ZSCAN5A: variants seen among roughly 807,000 people sequenced by gnomAD.
The protein encoded by ZSCAN5A is zinc finger and SCAN domain-containing protein 5A.
Under a neutral mutation model 23.7 loss-of-function variants are expected in ZSCAN5A, and 12 were observed. The ratio of observed to expected loss-of-function variants is 0.51; its 90% CI spans 0.32 to 0.82. ZSCAN5A has a LOEUF of 0.82. Among genes scored for constraint, ZSCAN5A ranks in the 40% least tolerant of loss-of-function variants. The pLI, the probability that ZSCAN5A is intolerant of heterozygous loss-of-function variation, is 0.03. For synonymous variants in ZSCAN5A, 257 were observed against 239.9 expected (o/e 1.07, Z -0.66); for missense variants, 597 against 617.9 (o/e 0.97, Z 0.36).
chr19:56,321,110 G>A (rs571392615), intron 2 of ZSCAN5A: 53 of 686,778 alleles, frequency 7.7e-5, no homozygotes, highest in African/African-American at 6.8e-4. Flanking sequence ...ACAAGGGGAC[G>A]GATACTGCTC....
Position 56,222,777 on chromosome 19 carries a change from T to A in ZSCAN5A, c.589-36A>T, listed in dbSNP as rs764475272. The A allele has an allele frequency of 5.6e-4, 900 of 1,613,678 alleles. 1 individual carries two copies. Among genetic ancestry groups the A allele is most frequent in the Middle Eastern group, 1.2e-3 (7 of 6,076 alleles). On this transcript the variant is annotated intron_variant, in intron 4 of 5. Coordinates refer to ENST00000683990, the MANE Select transcript of ZSCAN5A (RefSeq NM_001322064.3). ...AAAACCAAGAGTAATGACTGCTGTG[T>A]CCAAACTGGTGGAAGCAGGGACACA...
chr19:56,295,100 T>C (rs894840736), intron 2 of ZSCAN5A: 3 of 152,246 alleles, frequency 2.0e-5, no homozygotes, highest in African/African-American at 4.8e-5. Context: ...TTTGTGGTGA[T>C]GGATGCACAG....
intron 2 of ZSCAN5A, chr19:56,298,198 G>T (rs1003052028): frequency 6.6e-6 from 1 of 152,134 alleles, no homozygotes; most frequent in African/African-American, 2.4e-5. Flanking sequence ...TTGGAAGGAA[G>T]AAGAGAGTAT....
intron 2 of ZSCAN5A, among the ~76,000 whole-genome samples, chr19:56,239,902 G>A (rs377519143): frequency 1.2e-4 from 19 of 152,178 alleles, no homozygotes; most frequent in African/African-American, 2.6e-4. Context: ...GGTGGCTCAC[G>A]CCTGTAATCT....
intron 2 of ZSCAN5A, among the ~76,000 whole-genome samples, chr19:56,259,231 G>C (rs1319835876): frequency 2.0e-5 from 3 of 152,036 alleles, no homozygotes; most frequent in African/African-American, 7.3e-5. Flanking sequence ...TTAAAATAGA[G>C]ATGAGGTCTT....
At chr19:56,287,595 C>T (rs1040060569) in intron 2 of ZSCAN5A, among the ~76,000 whole-genome samples, 5 of 152,162 alleles carry the variant, frequency 3.3e-5, no homozygotes, top group African/African-American at 1.2e-4. Context: ...TCTTATTCCA[C>T]ATGTGAAGTG....
intron 2 of ZSCAN5A, among the ~76,000 whole-genome samples, chr19:56,322,806 C>T (rs1293422593): frequency 6.6e-6 from 1 of 151,492 alleles, no homozygotes; most frequent in Non-Finnish European, 1.5e-5. Context: ...CTCTAGATTA[C>T]ATATAATACC....
intron 2 of ZSCAN5A, among the ~76,000 whole-genome samples, chr19:56,363,009 T>C (rs536373724): frequency 1.3e-5 from 2 of 152,224 alleles, no homozygotes; most frequent in African/African-American, 4.8e-5. Flanking sequence ...AAAAATTTAC[T>C]ACTTCATAAA....
intron 2 of ZSCAN5A, among the ~76,000 whole-genome samples, chr19:56,342,007 A>T (rs1281878958): frequency 2.0e-5 from 3 of 152,166 alleles, no homozygotes; most frequent in African/African-American, 7.2e-5. Flanking sequence ...TCAACCCCTT[A>T]AGAAAATTTC....
Position 56,222,607 on chromosome 19 carries a change from C to T in ZSCAN5A, c.723G>A (p.Gln241=). Reference sequence around the variant, plus strand: ...CATACTCACTGGGACTCTTTGGAAGCTGAGGCTCTGGGGATGTCAGTCCTG... The same window carrying T: ...CATACTCACTGGGACTCTTTGGAAGTTGAGGCTCTGGGGATGTCAGTCCTG... ...ENPGLTSPEP[Q]LPKSPTDLVR... Residue 241 remains glutamine (Q), a synonymous_variant, in exon 5 of 6, where the codon CAG becomes CAA. Coordinates refer to ENST00000683990, the MANE Select transcript of ZSCAN5A (RefSeq NM_001322064.3). The T allele has an allele frequency of 6.2e-7, 1 of 1,614,166 alleles. No homozygotes were observed. Among genetic ancestry groups the T allele is most frequent in the Non-Finnish European group, 8.5e-7 (1 of 1,180,030 alleles).
At chr19:56,226,425 T>C (rs1029866026) in intron 2 of ZSCAN5A, among the ~76,000 whole-genome samples, 4 of 152,214 alleles carry the variant, frequency 2.6e-5, no homozygotes, top group Non-Finnish European at 4.4e-5. Context: ...TGTGTGGACA[T>C]CTCAGATGAA....
chr19:56,306,088 T>C (rs1177052878), intron 2 of ZSCAN5A, among the ~76,000 whole-genome samples: 1 of 151,912 alleles, frequency 6.6e-6, no homozygotes, highest in Non-Finnish European at 1.5e-5. Flanking sequence ...TTCAGAGCCA[T>C]GGGAAGCCAC....
chr19:56,337,073 A>C, intron 2 of ZSCAN5A, among the ~76,000 whole-genome samples: 1 of 152,180 alleles, frequency 6.6e-6, no homozygotes, highest in Non-Finnish European at 1.5e-5. Context: ...TCAGATCTCA[A>C]GCTGCATGCT....
chr19:56,302,384 C>G (rs1158210056), intron 2 of ZSCAN5A, among the ~76,000 whole-genome samples: 1 of 143,914 alleles, frequency 6.9e-6, no homozygotes, highest in African/African-American at 2.6e-5. Flanking sequence ...CTCCTTCTCT[C>G]TCCTCCCTCC....
Position 56,223,738 on chromosome 19 carries a change from C to A in ZSCAN5A, c.481G>T (p.Val161Leu), listed in dbSNP as rs368509037. 13 of 1,613,810 alleles carry A rather than the reference C, an allele frequency of 8.1e-6. No individual in the cohort carries two copies. The highest frequency in any genetic ancestry group is 1.0e-5 in the Non-Finnish European group (12 of 1,179,990). Residue 161 changes from valine to leucine, a missense_variant, in exon 4 of 6, where the codon GTG becomes TTG. By Grantham distance (32) the Val-to-Leu change is conservative. Around this residue, in one of 5 missense-constraint regions of ZSCAN5A, gnomAD observed 406 missense variants for 353.2 expected, o/e 1.15. Transcript: ENST00000683990. ...ACCGAGGAGGCCCGTTGGCTGGACA[C>A]GTCTTTCAGATCATCTCTGACACTG... ...PSSVRDDLKD[V>L]SSQRASSVNQ...
chr19:56,293,236 CAA>C (rs1444404581), intron 2 of ZSCAN5A, among the ~76,000 whole-genome samples: 1 of 152,154 alleles, frequency 6.6e-6, no homozygotes, highest in Non-Finnish European at 1.5e-5. Flanking sequence ...TGACAGTCCC[CAA>C]GTCATCGTCC....
intron 2 of ZSCAN5A, among the ~76,000 whole-genome samples, chr19:56,326,771 T>G (rs2041438481): frequency 6.6e-6 from 1 of 152,152 alleles, no homozygotes; most frequent in African/African-American, 2.4e-5. Context: ...TTGATTTCCA[T>G]CATGGGCCCT....
chr19:56,302,537 T>A (rs2040348676), intron 2 of ZSCAN5A, among the ~76,000 whole-genome samples: 1 of 49,230 alleles, frequency 2.0e-5, no homozygotes, highest in Non-Finnish European at 4.5e-5. Flanking sequence ...TCCCTCTTCT[T>A]CCTCCCCGTT....
At chr19:56,367,200 A>C (rs1321546039) in intron 1 of ZSCAN5A, 1 of 152,128 alleles carries the variant, frequency 6.6e-6, no homozygotes, top group East Asian at 1.9e-4. Flanking sequence ...CCTATACTTA[A>C]AAAATTAGCC....
Sources: gnomAD v4.1 joint callset for allele counts (sites outside exome capture counted in the v4.1 genomes callset) on GRCh38, gnomAD v4.1.1 for gene constraint, gnomAD v4.1.1 regional missense constraint, MANE v1.5 for transcripts, NCBI Gene and HGNC (gene_info 2026-07-23, HGNC 2026-07-21) for gene names.